The following HSPA8 variants were observed in gnomAD, a reference collection of about 807,000 sequenced individuals.
HSPA8 encodes the protein heat shock cognate 71 kDa protein.
A neutral mutation model predicts 52.8 loss-of-function variants in HSPA8; 2 were observed. The observed-to-expected ratio is 0.04, with a 90% confidence interval of 0.02 to 0.12. The LOEUF (loss-of-function observed/expected upper bound fraction) is 0.12, where lower values mean the gene tolerates loss of function less well. HSPA8 is among the 10% of genes least tolerant of loss of function. The pLI is 1.00. For synonymous variants in HSPA8, 436 were observed against 274.0 expected (o/e 1.59, Z -5.84); for missense variants, 349 against 800.5 (o/e 0.44, Z 6.81).
At chr11:123,061,012 C>T (rs1865482771) in intron 2 of HSPA8, 108 bp downstream of exon 2, 1 of 1,006,124 alleles carries the variant, frequency 9.9e-7, no homozygotes, top group Non-Finnish European at 1.5e-6. Context: ...TAACAAGTCT[C>T]TCAGCTCAGT....
intron 2 of HSPA8, 63 bp from the exon 3 acceptor site, chr11:123,060,861 C>T: frequency 3.5e-6 from 5 of 1,425,124 alleles, no homozygotes; most frequent in South Asian, 1.2e-5. Context: ...AACTCAAGTC[C>T]ATGATTACTC....
At chr11:123,058,063 CT>C (rs1209903714) in intron 8 of HSPA8, 144 bp from the exon 9 acceptor site, 2 of 740,878 alleles carry the variant, frequency 2.7e-6, no homozygotes, top group South Asian at 3.7e-5. Context: ...CTTATTCTTC[CT>C]TAACATCTTG....
Position 123,060,285 on chromosome 11 carries a change from G to A in HSPA8, c.412-17C>T, listed in dbSNP as rs750895048. ...GGTAACAGTCTAGGAATAAGGAAAA[G>A]ACCACAGATTGGTAACTATTATACT... On this transcript the variant is annotated splice_polypyrimidine_tract_variant and intron_variant, in intron 3 of 8. Coordinates refer to ENST00000534624, the MANE Select transcript of HSPA8 (RefSeq NM_006597.6). The A allele has an allele frequency of 1.9e-6, 3 of 1,610,706 alleles. No homozygotes were observed. Among genetic ancestry groups the A allele is most frequent in the South Asian group, 1.1e-5 (1 of 90,992 alleles).
At chr11:123,059,303 A>T in intron 5 of HSPA8, 42 bp from the exon 6 acceptor site, 1 of 1,540,498 alleles carries the variant, frequency 6.5e-7, no homozygotes, top group African/African-American at 1.4e-5. Context: ...TTAAAAGAAA[A>T]CCCAGTACAT....
In HSPA8 at chr11:123,058,624, C is replaced by T; in HGVS notation, c.1522+8G>A. ...CCCTGTCAAGACCAGATGACAGTGC[C>T]TCCTTACCCTTGTCATTAGTGATAG... is the stretch of plus-strand genomic sequence containing the variant. On this transcript the variant is annotated splice_region_variant and intron_variant, in intron 7 of 8. Transcript: ENST00000534624. 6.2e-7 allele frequency: 1 copy of T among 1,609,084 alleles called. No individual in the cohort carries two copies. Among genetic ancestry groups the T allele is most frequent in the Non-Finnish European group, 8.5e-7 (1 of 1,175,842 alleles).
At position 123,060,573 on chromosome 11, in the gene HSPA8, T is replaced by G; in HGVS notation, c.411+20A>C. ...TTTAACTACTCCGGAATGCACCCCATACTGAAAAACCAACCTCACCTTCCC... is the reference window on the plus strand; with the variant it reads ...TTTAACTACTCCGGAATGCACCCCAGACTGAAAAACCAACCTCACCTTCCC... On this transcript the variant is annotated intron_variant, in intron 3 of 8. Transcript: ENST00000534624. 1 of 1,587,700 alleles carries G rather than the reference T, an allele frequency of 6.3e-7. No individual in the cohort carries two copies. Among genetic ancestry groups the G allele is most frequent in the Non-Finnish European group, 8.6e-7 (1 of 1,156,228 alleles).
rs984441730 is a variant in HSPA8 at position 123,062,066 on chromosome 11, G to T, written c.-8C>A. 1 of 152,594 alleles carries T rather than the reference G, an allele frequency of 6.6e-6. No homozygotes were observed. Among genetic ancestry groups the T allele is most frequent in the Non-Finnish European group, 1.5e-5 (1 of 68,362 alleles). 9.5% of individuals were successfully genotyped at this position (152,594 alleles called of 1,614,324 possible). Reference sequence around the variant, plus strand: ...CAACTCTTGAGCAGAGGTTTTACCTGGGGTGTAGGCCTGGCTCCAATAACG... The same window carrying T: ...CAACTCTTGAGCAGAGGTTTTACCTTGGGTGTAGGCCTGGCTCCAATAACG... On this transcript the variant is annotated splice_region_variant and 5_prime_UTR_variant, in exon 1 of 9. Transcript: ENST00000534624.
intron 2 of HSPA8, 138 bp downstream of exon 2, chr11:123,060,982 C>T: frequency 1.1e-6 from 1 of 915,670 alleles, no homozygotes; most frequent in South Asian, 1.6e-5. Flanking sequence ...TTTCTACAAC[C>T]TGTTTTATAA....
intron 8 of HSPA8, 26 bp downstream of exon 8, chr11:123,058,226 G>GAAAAAAAAAAA (rs71057327): frequency 5.9e-6 from 6 of 1,013,476 alleles, no homozygotes; most frequent in African/African-American, 3.8e-5. Flanking sequence ...AGTGGGGGAG[G>GAAAAAAAAAAA]AAAAAAAAAA....
rs1412484763 is a variant in HSPA8 at position 123,059,340 on chromosome 11, C to G, written c.1121-79G>C. ...GCTCCTGTTTTAACTATCACTCGCT[C>G]AGACATCCAAGGAAGGTGTTGCCAT... On this transcript the variant is annotated intron_variant, in intron 5 of 8. Transcript: ENST00000534624. 6 of 1,406,014 alleles carry G rather than the reference C, an allele frequency of 4.3e-6. No individual in the cohort carries two copies. The Admixed American group carries it at 1.1e-4, about 25-fold the overall frequency. 87.1% of individuals were successfully genotyped at this position (1,406,014 alleles called of 1,614,324 possible).
intron 8 of HSPA8, 101 bp from the exon 9 acceptor site, chr11:123,058,020 A>G: frequency 1.1e-6 from 1 of 933,024 alleles, no homozygotes. Flanking sequence ...GCAAACTCTT[A>G]CAAGAGGGCC....
At chr11:123,058,228 A>G (rs1865372876) in intron 8 of HSPA8, 24 bp downstream of exon 8, 6 of 883,656 alleles carry the variant, frequency 6.8e-6, no homozygotes, top group South Asian at 2.2e-5. Context: ...TGGGGGAGGA[A>G]AAAAAAAAAA....
chr11:123,058,221 G>C (rs754159060), intron 8 of HSPA8, 31 bp downstream of exon 8: 10 of 1,218,962 alleles, frequency 8.2e-6, no homozygotes, highest in Non-Finnish European at 1.2e-5. Context: ...CATTGAGTGG[G>C]GGAGGAAAAA....
Position 123,057,925 on chromosome 11 carries a change from G to A in HSPA8, c.1756-6C>T, listed in dbSNP as rs375617827. 1.1e-4 allele frequency: 174 copies of A among 1,588,308 alleles called. No individual in the cohort carries two copies. In the African/African-American group the frequency reaches 2.0e-3, roughly 19 times the overall value. ...AATTCTTCCTTCTCAGCAGTCTGAG[G>A]AAGAGAAAAAGGAATTACTGCAAGT... On this transcript the variant is annotated splice_polypyrimidine_tract_variant and splice_region_variant and intron_variant, in intron 8 of 8. Coordinates refer to ENST00000534624, the MANE Select transcript of HSPA8 (RefSeq NM_006597.6).
In HSPA8 at chr11:123,059,399, T is replaced by TC. The variant is rs200246365; in HGVS notation, c.1120+73_1120+74insG. 2.5e-4 allele frequency: 349 copies of TC among 1,419,880 alleles called. 3 individuals are homozygous for TC. The African/African-American group carries it at 2.5e-3, about 10-fold the overall frequency. 88.0% of individuals were successfully genotyped at this position (1,419,880 alleles called of 1,614,324 possible). The stretch of plus-strand genomic sequence containing the variant: ...AAGCTTTTGGTGGAAACTACGAATG[T>TC]TTAACAATCACTCATCACAGCGAGT... On this transcript the variant is annotated intron_variant, in intron 5 of 8. Transcript: ENST00000534624.
intron 1 of HSPA8, 162 bp from the exon 2 acceptor site, chr11:123,061,491 C>T: frequency 3.2e-6 from 2 of 630,504 alleles, no homozygotes; most frequent in Admixed American, 5.5e-5. Context: ...ACTAGTGCTG[C>T]AGTCCAGGTT....
chr11:123,060,343 T>C (rs965994151), intron 3 of HSPA8, 75 bp from the exon 4 acceptor site: 118 of 1,409,042 alleles, frequency 8.4e-5, no homozygotes, highest in Non-Finnish European at 1.1e-4. Flanking sequence ...AATGGATTAA[T>C]GCTGGTGAAA....
chr11:123,061,657 A>T (rs4935825), intron 1 of HSPA8: 2 of 384,766 alleles, frequency 5.2e-6, no homozygotes, highest in Admixed American at 4.1e-5. Flanking sequence ...ACGGGCTTTT[A>T]ACTACTCCGG....
rs541212522 is a variant in HSPA8 at position 123,058,507 on chromosome 11, G to A, written c.1523-23C>T. 170 of 1,607,452 alleles carry A rather than the reference G, an allele frequency of 1.1e-4. 2 individuals carry two copies. In the South Asian group the frequency reaches 1.5e-3, roughly 14 times the overall value. On this transcript the variant is annotated intron_variant, in intron 7 of 8. Coordinates refer to ENST00000534624, the MANE Select transcript of HSPA8 (RefSeq NM_006597.6). The stretch of plus-strand genomic sequence containing the variant: ...GGCCTAGGAAAGAAATTAACTCTAA[G>A]TAAAAGCCTTAAATTACCTGTGTAT...
Sources: allele counts gnomAD v4.1 joint callset, GRCh38; gene constraint gnomAD v4.1.1; transcripts MANE v1.5; gene names NCBI Gene and HGNC (gene_info 2026-07-23, HGNC 2026-07-21).